CLSTN2: variants seen among roughly 807,000 people sequenced by gnomAD.
CLSTN2 encodes the protein calsyntenin-2.
In CLSTN2, 48 loss-of-function variants were observed where a neutral mutation model predicts 101.2. The ratio of observed to expected loss-of-function variants is 0.47; its 90% CI spans 0.38 to 0.60. The LOEUF is 0.60. Among genes scored for constraint, CLSTN2 ranks in the 20% least tolerant of loss-of-function variants. CLSTN2 has a pLI of 0.00. For synonymous variants in CLSTN2, 481 were observed against 463.6 expected (o/e 1.04, Z -0.48); for missense variants, 1,160 against 1,238.2 (o/e 0.94, Z 0.95).
At chr3:140,113,306 G>A (rs571469563) in intron 1 of CLSTN2, among the ~76,000 whole-genome samples, 1 of 152,292 alleles carries the variant, frequency 6.6e-6, no homozygotes, top group Admixed American at 6.5e-5. Flanking sequence ...GGTCTGCAGA[G>A]ACCCTTTGAA....
At chr3:140,266,909 T>C (rs2107886875) in intron 2 of CLSTN2, among the ~76,000 whole-genome samples, 1 of 152,332 alleles carries the variant, frequency 6.6e-6, no homozygotes, top group South Asian at 2.1e-4. Flanking sequence ...TTGTTAGTTG[T>C]TGTCTGGAAT....
intron 2 of CLSTN2, among the ~76,000 whole-genome samples, chr3:140,178,177 G>A (rs1328966258): frequency 6.6e-6 from 1 of 152,088 alleles, no homozygotes; most frequent in South Asian, 2.1e-4. Context: ...GGAAACCGAA[G>A]TCGTTGAATA....
At chr3:140,221,639 C>A (rs762898676) in intron 2 of CLSTN2, among the ~76,000 whole-genome samples, 1 of 152,062 alleles carries the variant, frequency 6.6e-6, no homozygotes, top group Non-Finnish European at 1.5e-5. Context: ...TCTATCGAAA[C>A]AAATGTAGTA....
intron 2 of CLSTN2, among the ~76,000 whole-genome samples, chr3:140,338,003 G>A (rs1363914676): frequency 6.6e-6 from 1 of 152,130 alleles, no homozygotes; most frequent in East Asian, 1.9e-4. Context: ...GGGAAACAAA[G>A]GCACTCTGGA....
intron 2 of CLSTN2, among the ~76,000 whole-genome samples, chr3:140,403,046 G>A (rs927333978): frequency 1.3e-5 from 2 of 152,222 alleles, no homozygotes; most frequent in Non-Finnish European, 2.9e-5. Context: ...TGAGAAAAAA[G>A]GAGATATTAT....
At position 140,564,131 on chromosome 3, in the gene CLSTN2, G is replaced by A. The variant is rs776136527; in HGVS notation, c.2653G>A (p.Val885Ile). 9 of 1,613,928 alleles carry A rather than the reference G, an allele frequency of 5.6e-6. No homozygotes were observed. Among genetic ancestry groups the A allele is most frequent in the South Asian group, 5.5e-5 (5 of 91,066 alleles). The change falls in exon 16 of 17, where the codon GTC becomes ATC. Residue 885 changes from valine to isoleucine, a missense_variant. Physicochemically the swap from Val to Ile is conservative, Grantham distance 29. Transcript: ENST00000458420. ...DWDDSALTIT[V>I]NPMEKHEGPG... is the part of the protein sequence containing the mutation. ...GGACGATTCTGCGCTGACTATCACA[G>A]TCAACCCCATGGAGGTGATCCTCAT...
chr3:139,958,741 C>T (rs759456465), intron 1 of CLSTN2, among the ~76,000 whole-genome samples: 5 of 151,244 alleles, frequency 3.3e-5, no homozygotes, highest in South Asian at 2.1e-4. Flanking sequence ...ATAGATAGGC[C>T]GTGAAGCATT....
intron 4 of CLSTN2, among the ~76,000 whole-genome samples, chr3:140,414,329 C>A (rs1034218876): frequency 1.5e-4 from 23 of 152,038 alleles, no homozygotes; most frequent in African/African-American, 5.5e-4. Flanking sequence ...AATAATTTAA[C>A]TAAGGAGGTG....
intron 1 of CLSTN2, among the ~76,000 whole-genome samples, chr3:140,164,156 T>C (rs1008874029): frequency 8.5e-5 from 13 of 152,188 alleles, no homozygotes; most frequent in African/African-American, 3.1e-4. Flanking sequence ...AGTCCCTTTT[T>C]CCTTGCCCCT....
chr3:140,047,396 C>G (rs1238978560), intron 1 of CLSTN2, among the ~76,000 whole-genome samples: 3 of 152,124 alleles, frequency 2.0e-5, no homozygotes, highest in Admixed American at 2.0e-4. Flanking sequence ...TCTTAACTAT[C>G]TGTGTTGGTA....
At chr3:139,939,057 A>G (rs149176124) in intron 1 of CLSTN2, among the ~76,000 whole-genome samples, 80 of 152,204 alleles carry the variant, frequency 5.3e-4, no homozygotes, top group African/African-American at 1.9e-3. Context: ...AGCGGAGAGA[A>G]TTTGTCCAAA....
intron 2 of CLSTN2, among the ~76,000 whole-genome samples, chr3:140,263,410 G>T (rs56156172): frequency 0.012 from 1,873 of 152,250 alleles, 14 homozygotes; most frequent in Middle Eastern, 0.017. Flanking sequence ...TGGAAGATGT[G>T]GAAGAGGTTG....
At chr3:140,430,501 A>G (rs2107997541) in intron 5 of CLSTN2, among the ~76,000 whole-genome samples, 1 of 152,344 alleles carries the variant, frequency 6.6e-6, no homozygotes, top group Admixed American at 6.5e-5. Context: ...ACACGGCCAC[A>G]CTCATTAGTT....
At chr3:140,457,148 G>A (rs1559875030) in intron 6 of CLSTN2, among the ~76,000 whole-genome samples, 1 of 152,224 alleles carries the variant, frequency 6.6e-6, no homozygotes, top group South Asian at 2.1e-4. Context: ...AGGCCTTGGT[G>A]CTCCACATGG....
At chr3:140,102,405 T>C (rs1005532795) in intron 1 of CLSTN2, among the ~76,000 whole-genome samples, 5 of 152,338 alleles carry the variant, frequency 3.3e-5, no homozygotes, top group African/African-American at 1.2e-4. Context: ...AAGCTTGTGG[T>C]CATTGCCTTG....
chr3:139,976,184 C>G (rs770181600), intron 1 of CLSTN2, among the ~76,000 whole-genome samples: 26 of 152,250 alleles, frequency 1.7e-4, no homozygotes, highest in Middle Eastern at 3.4e-3. Context: ...ATAGGAAGAG[C>G]CTGCTCTACT....
chr3:140,129,530 T>C (rs552998582), intron 1 of CLSTN2, among the ~76,000 whole-genome samples: 7 of 152,242 alleles, frequency 4.6e-5, no homozygotes, highest in Non-Finnish European at 1.0e-4. Context: ...AACAAAACAT[T>C]GCATGCAAAG....
At chr3:140,050,338 G>A (rs190364234) in intron 1 of CLSTN2, among the ~76,000 whole-genome samples, 2 of 152,224 alleles carry the variant, frequency 1.3e-5, no homozygotes, top group East Asian at 3.9e-4. Context: ...TTACTATGTT[G>A]AGCCATATGA....
intron 2 of CLSTN2, among the ~76,000 whole-genome samples, chr3:140,403,260 G>A (rs1237440631): frequency 6.6e-6 from 1 of 152,174 alleles, no homozygotes; most frequent in Non-Finnish European, 1.5e-5. Flanking sequence ...AAGGGGAAAT[G>A]GTAGCTGGAG....
Sources: allele counts gnomAD v4.1 joint callset (sites outside exome capture counted in the v4.1 genomes callset), GRCh38; gene constraint gnomAD v4.1.1; transcripts MANE v1.5; gene names NCBI Gene and HGNC (gene_info 2026-07-23, HGNC 2026-07-21).